Variants in CKM observed in about 807,000 individuals in gnomAD.
CKM encodes creatine kinase M-type.
In CKM, 28 loss-of-function variants were observed where a neutral mutation model predicts 35.4. That is an observed-to-expected ratio of 0.79 (90% CI 0.59 to 1.08). The LOEUF is 1.08. Ranked by LOEUF, CKM falls within the 50% of genes least tolerant of loss-of-function variation. The probability of loss-of-function intolerance (pLI) is 0.00; values close to 1 mark genes in which losing one functional copy is unlikely to be tolerated. For synonymous variants in CKM, 215 were observed against 204.4 expected (o/e 1.05, Z -0.44); for missense variants, 484 against 509.8 (o/e 0.95, Z 0.49).
intron 7 of CKM, 93 bp from the exon 8 acceptor site, chr19:45,307,021 G>C (rs1971059486): frequency 8.0e-7 from 1 of 1,254,942 alleles, no homozygotes; most frequent in Admixed American, 1.7e-5. Context: ...GCCGCATGTA[G>C]TGAGTGCCTA....
intron 5 of CKM, among the ~76,000 whole-genome samples, chr19:45,310,275 C>T (rs934055127): frequency 6.6e-6 from 1 of 151,894 alleles, no homozygotes; most frequent in South Asian, 2.1e-4. Flanking sequence ...CGCCTGCCAC[C>T]AAGCCCAGCT....
chr19:45,307,156 T>C (rs1164100974), intron 7 of CKM, among the ~76,000 whole-genome samples: 1 of 152,022 alleles, frequency 6.6e-6, no homozygotes, highest in African/African-American at 2.4e-5. Context: ...AGAGAGTGGG[T>C]TCTGGAGCCA....
At chr19:45,317,698 T>C in intron 3 of CKM, 127 bp downstream of exon 3, 1 of 1,097,692 alleles carries the variant, frequency 9.1e-7, no homozygotes, top group Non-Finnish European at 1.4e-6. Context: ...CCTCTCTCTT[T>C]CCATCTCTCT....
In CKM at chr19:45,306,662, C is replaced by A; in HGVS notation, c.*88G>T. The A allele has an allele frequency of 1.4e-6, 2 of 1,391,756 alleles. No individual in the cohort carries two copies. The highest frequency in any genetic ancestry group is 1.2e-5 in the South Asian group (1 of 85,562). The allele number at this position is 1,391,756 out of a possible 1,614,324, so 86.2% of individuals were successfully genotyped here. On this transcript the variant is annotated 3_prime_UTR_variant, in exon 8 of 8. Transcript: ENST00000221476. This position sits in a 1 kb window ranked among gnomAD's most constrained non-coding sequence, Gnocchi z 4.5. ...CCAGGTGGGACTCTGGGACAGGGGG[C>A]GGGGCGAGGAGTGAGGGAGCAGGAC...
chr19:45,318,099 C>T, intron 2 of CKM, 120 bp from the exon 3 acceptor site: 1 of 749,464 alleles, frequency 1.3e-6, no homozygotes, highest in Admixed American at 2.2e-5. Flanking sequence ...CATTCAATAC[C>T]TCTGGGTGGG....
chr19:45,321,789 C>T (rs1971215381), intron 1 of CKM, among the ~76,000 whole-genome samples: 1 of 151,830 alleles, frequency 6.6e-6, no homozygotes, highest in Non-Finnish European at 1.5e-5. Context: ...TTCACTGGAC[C>T]CAGAAAGGAG....
In CKM at chr19:45,311,855, C is replaced by G; in HGVS notation, c.547G>C (p.Glu183Gln). The change falls in exon 5 of 8, where the codon GAG (glutamate) becomes CAG (glutamine). Residue 183 changes from glutamate (E) to glutamine (Q), a missense_variant. By Grantham distance (29) the Glu-to-Gln change is conservative. Coordinates refer to ENST00000221476, the MANE Select transcript of CKM (RefSeq NM_001824.5). ...TGGTCATCGATGAGCTGCTGCTGCT[C>G]CTTCTCCGTCATGCTCTTCAGAGGG... is the stretch of plus-strand genomic sequence containing the variant. The part of the protein sequence containing the change: ...YYPLKSMTEK[E>Q]QQQLIDDHFL... The G allele has an allele frequency of 6.2e-7, 1 of 1,613,920 alleles. No homozygotes were observed. The highest frequency in any genetic ancestry group is 8.5e-7 in the Non-Finnish European group (1 of 1,179,950).
rs1430253523 is a variant in CKM at position 45,306,860 on chromosome 19, C to T, written c.1036G>A (p.Glu346Lys). The T allele has an allele frequency of 1.2e-6, 2 of 1,614,188 alleles. No homozygotes were observed. Among genetic ancestry groups the T allele is most frequent in the Non-Finnish European group, 1.7e-6 (2 of 1,180,026 alleles). ...ACCACCAGCTGCACCTGTTCTACTT[C>T]GGACGAGCCCAGCCGATCAGCGTTG... is the stretch of plus-strand genomic sequence containing the variant. ...VSNADRLGSS[E>K]VEQVQLVVDG... Residue 346 changes from glutamate to lysine, a missense_variant, in exon 8 of 8, where the codon GAA becomes AAA. Transcript: ENST00000221476. The surrounding 1 kb of genome is among the most constrained non-coding windows in gnomAD (Gnocchi z 4.5).
rs376961493 is a variant in CKM, at chr19:45,315,849, C to CTTTTTTTTT, written c.349-253_349-252insAAAAAAAAA. ...TCCCCATCTTCGTATATTTCTTTTCCTTTTTTTTCTTCGAGACAGGGTCTC... is the reference window on the plus strand; with the variant it reads ...TCCCCATCTTCGTATATTTCTTTTCCTTTTTTTTTTTTTTTTTCTTCGAGACAGGGTCTC... On this transcript the variant is annotated intron_variant, in intron 3 of 7. Coordinates refer to ENST00000221476, the MANE Select transcript of CKM (RefSeq NM_001824.5). 1.4e-3 allele frequency among the ~76,000 whole-genome samples: 191 copies of CTTTTTTTTT among 135,460 alleles called. 2 individuals carry two copies. The highest frequency in any genetic ancestry group is 3.1e-3 in the South Asian group (13 of 4,250). The allele number at this position is 135,460 out of a possible 152,430, so 88.9% of individuals were successfully genotyped here. A position where few individuals can be genotyped will look rare whatever the true frequency, so the allele number is the denominator to read the frequency against.
Position 45,311,791 on chromosome 19 carries a change from G to A in CKM, c.611C>T (p.Ala204Val), listed in dbSNP as rs1320723205. Residue 204 changes from alanine (A) to valine (V), a missense_variant, in exon 5 of 8, where the codon GCC becomes GTC. Transcript: ENST00000221476. ...FDKPVSPLLL[A>V]SGMARDWPDA... ...GGGCCAGTCGCGGGCCATGCCTGAG[G>A]CCAGCAGCAGCGGGGACACGGGCTT... The A allele has an allele frequency of 6.2e-7, 1 of 1,606,052 alleles. No individual in the cohort carries two copies. Among genetic ancestry groups the A allele is most frequent in the Non-Finnish European group, 8.5e-7 (1 of 1,176,360 alleles).
chr19:45,315,404 C>T lies in CKM; in HGVS notation c.481+61G>A, dbSNP rs77784531. 5,023 of 1,578,084 alleles carry T rather than the reference C, an allele frequency of 3.2e-3. 12 individuals are homozygous for T. Among genetic ancestry groups the T allele is most frequent in the Non-Finnish European group, 3.8e-3 (4,447 of 1,164,526 alleles). On this transcript the variant is annotated intron_variant, in intron 4 of 7. Transcript: ENST00000221476. ...GGCCCAAAGAGACCCGAGGACCTGC[C>T]CATGGAGGAACAGAGCCAGGGCTGG...
chr19:45,308,554 A>G lies in CKM; in HGVS notation c.654-22T>C, dbSNP rs530164723. 6.2e-6 allele frequency: 10 copies of G among 1,613,268 alleles called. No homozygotes were observed. In the South Asian group the frequency reaches 9.9e-5, roughly 16 times the overall value. On this transcript the variant is annotated intron_variant, in intron 5 of 7. Transcript: ENST00000221476. ...GTGCCTAGAGTAAGGTGCCGCAGCAAGAGGCCAAGGTGTCAGCCCCGTGGG... is the reference window on the plus strand; with the variant it reads ...GTGCCTAGAGTAAGGTGCCGCAGCAGGAGGCCAAGGTGTCAGCCCCGTGGG...
chr19:45,320,156 G>T (rs993326915), intron 1 of CKM, among the ~76,000 whole-genome samples: 1 of 151,454 alleles, frequency 6.6e-6, no homozygotes, highest in Non-Finnish European at 1.5e-5. Context: ...GCGAGACCTC[G>T]GCTCACTGCA....
At chr19:45,307,013 C>T (rs1271481405) in intron 7 of CKM, 85 bp from the exon 8 acceptor site, 29 of 1,366,258 alleles carry the variant, frequency 2.1e-5, no homozygotes, top group Non-Finnish European at 2.8e-5. Context: ...ATGCAACAGC[C>T]GCATGTAGTG....
Position 45,317,984 on chromosome 19 carries a change from A to AG in CKM, c.194-6dup, listed in dbSNP as rs753240233. The AG allele has an allele frequency of 5.6e-6, 9 of 1,613,372 alleles. No homozygotes were observed. Among genetic ancestry groups the AG allele is most frequent in the Non-Finnish European group, 7.6e-6 (9 of 1,179,778 alleles). Reference sequence around the variant, plus strand: ...CGGTCATGATGAAGGGGTGACCTGGAGGGGTGGGGGTGAGGTCAGAGCTGC... The same window carrying AG: ...CGGTCATGATGAAGGGGTGACCTGGAGGGGGTGGGGGTGAGGTCAGAGCTGC... On this transcript the variant is annotated splice_region_variant and splice_polypyrimidine_tract_variant and intron_variant, in intron 2 of 7. Transcript: ENST00000221476.
intron 1 of CKM, among the ~76,000 whole-genome samples, chr19:45,320,103 T>G (rs1316036104): frequency 1.4e-5 from 2 of 144,874 alleles, no homozygotes; most frequent in Admixed American, 1.4e-4. Flanking sequence ...CTTCTTTTTT[T>G]TGAGATGGAG....
At position 45,311,888 on chromosome 19, in the gene CKM, T is replaced by TCC; in HGVS notation, c.512_513dup (p.Lys172GlyfsTer6). 1 of 1,613,996 alleles carries TCC rather than the reference T, an allele frequency of 6.2e-7. No individual in the cohort carries two copies. The highest frequency in any genetic ancestry group is 8.5e-7 in the Non-Finnish European group (1 of 1,179,948). ...GTCATGCTCTTCAGAGGGTAGTACT[T>TCC]CCCTTTGAACTCGCCCGTCAGGCTG... is the stretch of plus-strand genomic sequence containing the variant. On this transcript the variant is annotated frameshift_variant, in exon 5 of 8. Coordinates refer to ENST00000221476, the MANE Select transcript of CKM (RefSeq NM_001824.5). LOFTEE classifies it high-confidence loss of function.
At chr19:45,313,011 G>A (rs1017447110) in intron 4 of CKM, among the ~76,000 whole-genome samples, 1 of 151,344 alleles carries the variant, frequency 6.6e-6, no homozygotes, top group African/African-American at 2.4e-5. Flanking sequence ...TATAAAATAT[G>A]TGTATAATGA....
At position 45,308,452 on chromosome 19, in the gene CKM, T is replaced by C; in HGVS notation, c.734A>G (p.Asn245Ser). 1.9e-6 allele frequency: 3 copies of C among 1,614,136 alleles called. No homozygotes were observed. Among genetic ancestry groups the C allele is most frequent in the Non-Finnish European group, 2.5e-6 (3 of 1,179,994 alleles). ...LRVISMEKGG[N>S]MKEVFRRFCV... Reference sequence around the variant, plus strand: ...GAAGCGGCGGAAAACCTCCTTCATGTTGCCCCCCTTCTCCATGGAGATGAC... The same window carrying C: ...GAAGCGGCGGAAAACCTCCTTCATGCTGCCCCCCTTCTCCATGGAGATGAC... The change falls in exon 6 of 8, where the codon AAC becomes AGC. Residue 245 changes from asparagine (N) to serine (S), a missense_variant. Transcript: ENST00000221476.
Sources: allele counts gnomAD v4.1 joint callset (sites outside exome capture counted in the v4.1 genomes callset), GRCh38; gene constraint gnomAD v4.1.1; non-coding constraint Gnocchi (gnomAD v3.1); transcripts MANE v1.5; gene names NCBI Gene and HGNC (gene_info 2026-07-23, HGNC 2026-07-21).